DPP10: variants seen among roughly 807,000 people sequenced by gnomAD.
DPP10 encodes inactive dipeptidyl peptidase 10.
In DPP10, 33 loss-of-function variants were observed where a neutral mutation model predicts 120.9. The ratio of observed to expected loss-of-function variants is 0.27; its 90% CI spans 0.21 to 0.37. The LOEUF (loss-of-function observed/expected upper bound fraction) is 0.37. DPP10 is among the 10% of genes least tolerant of loss of function. DPP10 has a pLI of 1.00. For missense variants in DPP10, 816 were observed against 942.8 expected, an observed-to-expected ratio of 0.87 and a Z score of 1.76; for synonymous variants, 337 against 326.1, an observed-to-expected ratio of 1.03 and a Z score of -0.36.
chr2:114,909,880 TA>T (rs964268572), intron 1 of DPP10, among the ~76,000 whole-genome samples: 91 of 151,848 alleles, frequency 6.0e-4, no homozygotes, highest in Admixed American at 1.5e-3. Context: ...AGGAAACATC[TA>T]AAAAAATAAG....
intron 1 of DPP10, among the ~76,000 whole-genome samples, chr2:115,024,563 G>T (rs1294987999): frequency 6.6e-6 from 1 of 151,124 alleles, no homozygotes; most frequent in Non-Finnish European, 1.5e-5. Flanking sequence ...GTGATAATTT[G>T]ATACATTCAT....
chr2:114,873,434 C>A (rs529907896), intron 1 of DPP10, among the ~76,000 whole-genome samples: 7 of 152,160 alleles, frequency 4.6e-5, no homozygotes, highest in African/African-American at 1.7e-4. Context: ...GGAGGATGTG[C>A]GTGAGGATAA....
At chr2:115,503,921 A>G (rs1355347916) in intron 4 of DPP10, among the ~76,000 whole-genome samples, 4 of 152,126 alleles carry the variant, frequency 2.6e-5, no homozygotes, top group African/African-American at 4.8e-5. Flanking sequence ...TCAGGAGTGT[A>G]GAGTTTGAGA....
Position 115,842,240 on chromosome 2 carries a change from T to C in DPP10, c.2286T>C (p.Ser762=), listed in dbSNP as rs1690224837. The C allele has an allele frequency of 2.5e-6, 4 of 1,613,586 alleles. No individual in the cohort carries two copies. The highest frequency in any genetic ancestry group is 2.5e-6 in the Non-Finnish European group (3 of 1,179,606). The change falls in exon 26 of 26, where the codon TCT becomes TCC. Residue 762 remains serine (S), a synonymous_variant. Transcript: ENST00000410059. The part of the protein sequence containing the change: ...QVYPDEGHNV[S]EKSKYHLYST... ...ACCCAGATGAAGGTCATAACGTATC[T>C]GAGAAGAGCAAGTATCATCTCTACA...
chr2:115,712,787 T>C (rs965680668), intron 7 of DPP10, among the ~76,000 whole-genome samples: 1 of 151,576 alleles, frequency 6.6e-6, no homozygotes, highest in Non-Finnish European at 1.5e-5. Context: ...ATAAGTACAA[T>C]GTTATGTAAT....
At chr2:115,307,650 T>G (rs1559397938) in intron 1 of DPP10, among the ~76,000 whole-genome samples, 1 of 152,106 alleles carries the variant, frequency 6.6e-6, no homozygotes, top group Non-Finnish European at 1.5e-5. Context: ...GTTCTGTCAC[T>G]CTACCTTCTG....
chr2:115,253,302 A>G (rs971292454), intron 1 of DPP10, among the ~76,000 whole-genome samples: 2 of 152,192 alleles, frequency 1.3e-5, no homozygotes, highest in East Asian at 3.9e-4. Flanking sequence ...ACATCTGCAC[A>G]TGAGATTTGG....
intron 1 of DPP10, among the ~76,000 whole-genome samples, chr2:115,156,440 A>G (rs2051917116): frequency 6.6e-6 from 1 of 152,256 alleles, no homozygotes; most frequent in Non-Finnish European, 1.5e-5. Context: ...TGAATCTAGT[A>G]CTAAATCTTT....
chr2:115,639,137 G>A (rs1032635396), intron 5 of DPP10, among the ~76,000 whole-genome samples: 6 of 152,168 alleles, frequency 3.9e-5, no homozygotes, highest in Admixed American at 2.6e-4. Context: ...TCAGAGAAGA[G>A]GAGAATAAGG....
intron 1 of DPP10, among the ~76,000 whole-genome samples, chr2:114,511,366 T>A (rs2104581307): frequency 6.6e-6 from 1 of 152,326 alleles, no homozygotes; most frequent in South Asian, 2.1e-4. Context: ...AAAAGTTTCA[T>A]AATTGGGTCC....
chr2:115,540,662 A>G (rs2079122323), intron 5 of DPP10, among the ~76,000 whole-genome samples: 1 of 151,912 alleles, frequency 6.6e-6, no homozygotes, highest in African/African-American at 2.4e-5. Flanking sequence ...ATAATTTTGC[A>G]CTTAAACTTG....
intron 5 of DPP10, among the ~76,000 whole-genome samples, chr2:115,673,566 C>T (rs2090064217): frequency 6.6e-6 from 1 of 152,114 alleles, no homozygotes; most frequent in Non-Finnish European, 1.5e-5. Flanking sequence ...TTCTTCTGTC[C>T]AGTCGTGTGT....
chr2:115,593,549 G>A (rs574456434), intron 5 of DPP10, among the ~76,000 whole-genome samples: 1 of 149,510 alleles, frequency 6.7e-6, no homozygotes, highest in South Asian at 2.1e-4. Flanking sequence ...ATAATTCCAA[G>A]CCAGAAAAAT....
At chr2:115,818,543 T>C (rs1189977397) in intron 21 of DPP10, among the ~76,000 whole-genome samples, 2 of 152,134 alleles carry the variant, frequency 1.3e-5, no homozygotes, top group Non-Finnish European at 2.9e-5. Flanking sequence ...CAACATGAGC[T>C]GAGTGGTGAT....
chr2:115,454,177 C>T (rs1469893623), intron 3 of DPP10, among the ~76,000 whole-genome samples: 1 of 151,336 alleles, frequency 6.6e-6, no homozygotes, highest in Non-Finnish European at 1.5e-5. Context: ...CCTACTGGTA[C>T]CAGTAGGAAC....
intron 1 of DPP10, among the ~76,000 whole-genome samples, chr2:114,877,813 G>A (rs1050860872): frequency 1.3e-5 from 2 of 151,954 alleles, no homozygotes; most frequent in Admixed American, 1.3e-4. Flanking sequence ...TCTTTTTGTG[G>A]GGGGCTCTTC....
chr2:115,348,495 A>G (rs759412945), intron 3 of DPP10, among the ~76,000 whole-genome samples: 3 of 150,564 alleles, frequency 2.0e-5, no homozygotes, highest in East Asian at 1.9e-4. Context: ...GTTTTTTTTT[A>G]TAATTTTAAC....
intron 19 of DPP10, among the ~76,000 whole-genome samples, chr2:115,799,958 G>A (rs1684992401): frequency 1.3e-5 from 2 of 151,798 alleles, no homozygotes; most frequent in Admixed American, 6.6e-5. Context: ...CCAGTAATGG[G>A]ATGGCTGGGT....
At chr2:114,933,855 C>T (rs1696261393) in intron 1 of DPP10, among the ~76,000 whole-genome samples, 1 of 152,100 alleles carries the variant, frequency 6.6e-6, no homozygotes, top group South Asian at 2.1e-4. Flanking sequence ...CAATAATTCT[C>T]AGGTCATGCT....
Sources: gnomAD v4.1 joint callset for allele counts (sites outside exome capture counted in the v4.1 genomes callset) on GRCh38, gnomAD v4.1.1 for gene constraint, MANE v1.5 for transcripts, NCBI Gene and HGNC (gene_info 2026-07-23, HGNC 2026-07-21) for gene names.